The following OLFM3 variants were observed in gnomAD, a reference collection of about 807,000 sequenced individuals.
The protein encoded by OLFM3 is noelin-3.
In OLFM3, 20 loss-of-function variants were observed where a neutral mutation model predicts 48.6. The ratio of observed to expected loss-of-function variants is 0.41; its 90% CI spans 0.29 to 0.60. The LOEUF (loss-of-function observed/expected upper bound fraction) is 0.60, where lower values mean the gene tolerates loss of function less well. Ranked by LOEUF, OLFM3 falls within the 20% of genes least tolerant of loss-of-function variation. The pLI is 0.28. For missense variants in OLFM3, 437 were observed against 544.3 expected (o/e 0.80, Z 1.96); for synonymous variants, 222 against 198.1 (o/e 1.12, Z -1.01).
chr1:101,946,353 A>G (rs1047410508), intron 1 of OLFM3, among the ~76,000 whole-genome samples: 1 of 152,212 alleles, frequency 6.6e-6, no homozygotes, highest in Non-Finnish European at 1.5e-5. Flanking sequence ...TCTAGAGACA[A>G]AGATATGTGA....
At chr1:101,812,382 G>A in intron 4 of OLFM3, 9 of 975,110 alleles carry the variant, frequency 9.2e-6, no homozygotes, top group Non-Finnish European at 1.1e-5. Flanking sequence ...TGATTTACCA[G>A]CGAAACTGCC....
rs772170561 is a variant in OLFM3, at chr1:101,806,169, C to A, written c.606G>T (p.Leu202=). The A allele has an allele frequency of 1.9e-6, 3 of 1,611,664 alleles. No individual in the cohort carries two copies. The East Asian group carries it at 6.7e-5, about 36-fold the overall frequency. Residue 202 remains leucine, a synonymous_variant, in exon 5 of 6, where the codon CTG becomes CTT. Transcript: ENST00000370103. ...DCMKKLTCGK[L]MKITGPVTVK... Reference sequence around the variant, plus strand: ...CTGTAACTGGGCCTGTGATTTTCATCAGTTTGCCACATGCTGAAATTAGAG... The same window carrying A: ...CTGTAACTGGGCCTGTGATTTTCATAAGTTTGCCACATGCTGAAATTAGAG...
chr1:101,926,706 T>A (rs1337282047), intron 1 of OLFM3, among the ~76,000 whole-genome samples: 1 of 152,208 alleles, frequency 6.6e-6, no homozygotes, highest in Non-Finnish European at 1.5e-5. Flanking sequence ...GGAGGTTTAG[T>A]GGCAGTCATT....
chr1:101,866,507 G>A (rs1356749206), intron 1 of OLFM3, among the ~76,000 whole-genome samples: 1 of 151,992 alleles, frequency 6.6e-6, no homozygotes, highest in Non-Finnish European at 1.5e-5. Flanking sequence ...AAAAGCGTAA[G>A]TAGTTTGTTA....
chr1:101,906,872 A>T (rs1487793829), intron 1 of OLFM3, among the ~76,000 whole-genome samples: 1 of 152,208 alleles, frequency 6.6e-6, no homozygotes, highest in Non-Finnish European at 1.5e-5. Context: ...ATGAATACAT[A>T]TATGCACACA....
intron 1 of OLFM3, among the ~76,000 whole-genome samples, chr1:101,989,403 T>G (rs953476507): frequency 6.6e-6 from 1 of 152,096 alleles, no homozygotes; most frequent in Non-Finnish European, 1.5e-5. Flanking sequence ...GCACTGTAGA[T>G]AGAGATGGTC....
At chr1:101,833,737 C>T (rs1329782754) in intron 2 of OLFM3, among the ~76,000 whole-genome samples, 1 of 151,818 alleles carries the variant, frequency 6.6e-6, no homozygotes, top group Non-Finnish European at 1.5e-5. Context: ...GAGGTGGTCA[C>T]TTGAAAAAAA....
At chr1:101,950,644 C>G (rs555125796) in intron 1 of OLFM3, among the ~76,000 whole-genome samples, 77 of 152,104 alleles carry the variant, frequency 5.1e-4, no homozygotes, top group African/African-American at 1.8e-3. Context: ...CGGAGTTTCA[C>G]CGTGTTAGCC....
chr1:101,916,637 T>C (rs1332587745), intron 1 of OLFM3, among the ~76,000 whole-genome samples: 1 of 152,200 alleles, frequency 6.6e-6, no homozygotes, highest in East Asian at 1.9e-4. Flanking sequence ...AAGGACAGTA[T>C]TTTAATCTCA....
chr1:101,947,860 G>A (rs1660007664), intron 1 of OLFM3, among the ~76,000 whole-genome samples: 1 of 152,022 alleles, frequency 6.6e-6, no homozygotes, highest in Admixed American at 6.6e-5. Context: ...TTTTCAACAA[G>A]ACTAAATCAA....
intron 1 of OLFM3, among the ~76,000 whole-genome samples, chr1:101,860,392 ATG>A (rs1261006120): frequency 6.6e-6 from 1 of 152,074 alleles, no homozygotes; most frequent in Non-Finnish European, 1.5e-5. Context: ...TAATTCATAT[ATG>A]TGTGTGTTTA....
At chr1:101,941,614 G>A (rs963861473) in intron 1 of OLFM3, among the ~76,000 whole-genome samples, 1 of 152,132 alleles carries the variant, frequency 6.6e-6, no homozygotes, top group Non-Finnish European at 1.5e-5. Flanking sequence ...GAAATCTAGA[G>A]ACATCACAAA....
chr1:101,933,315 C>T (rs539476350), intron 1 of OLFM3, among the ~76,000 whole-genome samples: 5 of 147,746 alleles, frequency 3.4e-5, no homozygotes, highest in Non-Finnish European at 7.4e-5. Flanking sequence ...TTTCAGAATA[C>T]GATCACAAGT....
At chr1:101,892,797 C>T (rs1453126125) in intron 1 of OLFM3, among the ~76,000 whole-genome samples, 1 of 152,060 alleles carries the variant, frequency 6.6e-6, no homozygotes, top group Non-Finnish European at 1.5e-5. Flanking sequence ...TCCACAGGGG[C>T]TGGCAAACAG....
At chr1:101,840,570 A>C (rs950225122) in intron 1 of OLFM3, among the ~76,000 whole-genome samples, 2 of 151,686 alleles carry the variant, frequency 1.3e-5, no homozygotes, top group African/African-American at 4.8e-5. Flanking sequence ...TCCTGAGTTC[A>C]AGTGATTCTC....
At position 101,901,977 on chromosome 1, in the gene OLFM3, A is replaced by G. The variant is rs1658401786; in HGVS notation, c.70-64952T>C. On this transcript the variant is annotated intron_variant, in intron 1 of 5. Coordinates refer to ENST00000370103, the MANE Select transcript of OLFM3 (RefSeq NM_058170.4). ...TTCAAGAATCATCTGCGTGGAGATGAGATAAAAAAACTTCAGAATGAATGA... is the reference window on the plus strand; with the variant it reads ...TTCAAGAATCATCTGCGTGGAGATGGGATAAAAAAACTTCAGAATGAATGA... 3.3e-5 allele frequency among the ~76,000 whole-genome samples: 5 copies of G among 152,212 alleles called. No individual in the cohort carries two copies. The South Asian group carries it at 1.0e-3, about 32-fold the overall frequency.
At chr1:101,970,351 A>G (rs1456196983) in intron 1 of OLFM3, among the ~76,000 whole-genome samples, 3 of 152,152 alleles carry the variant, frequency 2.0e-5, no homozygotes, top group Non-Finnish European at 4.4e-5. Context: ...CTTGGCATTT[A>G]TTTACTTCAG....
At chr1:101,974,380 A>G (rs1353753194) in intron 1 of OLFM3, among the ~76,000 whole-genome samples, 1 of 152,218 alleles carries the variant, frequency 6.6e-6, no homozygotes, top group Admixed American at 6.5e-5. Context: ...TAGTAGGCTA[A>G]CTAGGCTGTA....
In OLFM3 at chr1:101,967,141, C is replaced by T. The variant is rs1184666071; in HGVS notation, c.69+29607G>A. On this transcript the variant is annotated intron_variant, in intron 1 of 5. Transcript: ENST00000370103. ...TACCTATCTCTTTTAGGATCTAATA[C>T]ACACCAGGATTTCAATATACTATAT... Among the ~76,000 whole-genome samples the T allele has an allele frequency of 4.6e-5, 7 of 152,226 alleles. No individual in the cohort carries two copies. The East Asian group carries it at 1.4e-3, about 29-fold the overall frequency.
Sources: gnomAD v4.1 joint callset for allele counts (sites outside exome capture counted in the v4.1 genomes callset) on GRCh38, gnomAD v4.1.1 for gene constraint, MANE v1.5 for transcripts, NCBI Gene and HGNC (gene_info 2026-07-23, HGNC 2026-07-21) for gene names.